RGPD2: variants seen among roughly 807,000 people sequenced by gnomAD.
RGPD2 encodes RANBP2-like and GRIP domain-containing protein 2.
In RGPD2, 2 loss-of-function variants were observed where a neutral mutation model predicts 36.0. The ratio of observed to expected loss-of-function variants is 0.06; its 90% CI spans 0.02 to 0.17. The LOEUF (loss-of-function observed/expected upper bound fraction) is 0.17, where lower values mean the gene tolerates loss of function less well. RGPD2 is among the 10% of genes least tolerant of loss of function. The pLI is 1.00. For synonymous variants in RGPD2, 19 were observed against 163.8 expected, an observed-to-expected ratio of 0.12 and a Z score of 6.75; for missense variants, 40 against 464.3, an observed-to-expected ratio of 0.09 and a Z score of 8.40.
chr2:87,988,541 A>ATATTTTTTT, the RGPD2 span, among the ~76,000 whole-genome samples: 4 of 54,138 alleles, frequency 7.4e-5, no homozygotes, highest in African/African-American at 1.8e-4. Context: ...ATATATATAT[A>ATATTTTTTT]TTTTTTTTTT....
At chr2:87,894,292 CTG>C in the RGPD2 span, among the ~76,000 whole-genome samples, 1 of 151,952 alleles carries the variant, frequency 6.6e-6, no homozygotes, top group South Asian at 2.1e-4. Flanking sequence ...ATATTTGATA[CTG>C]TGTTTAATAT....
the RGPD2 span, among the ~76,000 whole-genome samples, chr2:87,876,690 T>C: frequency 6.6e-6 from 1 of 152,274 alleles, no homozygotes; most frequent in African/African-American, 2.4e-5. Flanking sequence ...TATTTTGTTG[T>C]TTTTGGGTAG....
intron 22 of RGPD2, among the ~76,000 whole-genome samples, chr2:87,763,294 A>G (rs1327350036): frequency 6.7e-6 from 1 of 149,284 alleles, no homozygotes; most frequent in Non-Finnish European, 1.5e-5. Flanking sequence ...AGTAGCTGGG[A>G]CTACAGGCGC....
At chr2:87,880,263 T>C in the RGPD2 span, among the ~76,000 whole-genome samples, 2 of 152,230 alleles carry the variant, frequency 1.3e-5, no homozygotes, top group Non-Finnish European at 2.9e-5. Flanking sequence ...CCATGTGTAA[T>C]CTCTTCACTC....
chr2:87,878,036 G>T, the RGPD2 span, among the ~76,000 whole-genome samples: 25 of 151,594 alleles, frequency 1.6e-4, no homozygotes, highest in African/African-American at 6.1e-4. Context: ...TATCTTACTG[G>T]GGTTCTCTGC....
At chr2:87,769,366 T>C (rs569866293) in intron 22 of RGPD2, among the ~76,000 whole-genome samples, 2 of 152,210 alleles carry the variant, frequency 1.3e-5, no homozygotes, top group Admixed American at 6.5e-5. Flanking sequence ...TGTACTCACA[T>C]TGATAAGAGA....
the RGPD2 span, among the ~76,000 whole-genome samples, chr2:87,847,740 GAC>G: frequency 6.8e-6 from 1 of 147,452 alleles, no homozygotes; most frequent in African/African-American, 2.5e-5. Flanking sequence ...CTTGTGATCC[GAC>G]TGCCTCAACC....
At chr2:87,962,140 C>T in the RGPD2 span, among the ~76,000 whole-genome samples, 6 of 147,388 alleles carry the variant, frequency 4.1e-5, no homozygotes, top group African/African-American at 1.5e-4. Flanking sequence ...GATTTTCAGC[C>T]GTCTGTATTT....
the RGPD2 span, among the ~76,000 whole-genome samples, chr2:87,923,106 A>T: frequency 6.6e-6 from 1 of 151,744 alleles, no homozygotes; most frequent in Non-Finnish European, 1.5e-5. Context: ...GAATTTCAAC[A>T]CTCAGTAATT....
At chr2:87,809,854 C>T (rs1405610730) in intron 6 of RGPD2, among the ~76,000 whole-genome samples, 20 of 138,254 alleles carry the variant, frequency 1.4e-4, no homozygotes, top group Admixed American at 2.3e-4. Flanking sequence ...CCTCAGGGCC[C>T]TCCTGGGGCT....
At chr2:87,869,819 T>C in the RGPD2 span, among the ~76,000 whole-genome samples, 3 of 152,010 alleles carry the variant, frequency 2.0e-5, no homozygotes, top group Non-Finnish European at 4.4e-5. Context: ...GAAGTTAACG[T>C]AATACAGTAA....
the RGPD2 span, among the ~76,000 whole-genome samples, chr2:87,957,236 T>TGGGC: frequency 1.1e-4 from 13 of 116,306 alleles, 1 homozygote; most frequent in African/African-American, 4.3e-4. Context: ...ACAAGGTCAC[T>TGGGC]GGGGGGGGGC....
the RGPD2 span, among the ~76,000 whole-genome samples, chr2:87,964,643 T>C: frequency 2.7e-5 from 4 of 150,494 alleles, no homozygotes; most frequent in African/African-American, 9.7e-5. Flanking sequence ...GTCTCACTAA[T>C]GCAGACTTCC....
the RGPD2 span, among the ~76,000 whole-genome samples, chr2:87,989,493 T>C: frequency 3.5e-4 from 53 of 152,300 alleles, no homozygotes; most frequent in Admixed American, 7.2e-4. Context: ...TTTGTTTTCA[T>C]GAAGTTTTTA....
chr2:87,929,301 T>A, the RGPD2 span, among the ~76,000 whole-genome samples: 5 of 151,548 alleles, frequency 3.3e-5, no homozygotes, highest in Non-Finnish European at 5.9e-5. Context: ...CTTGTTTTTG[T>A]CAAGTTTGTC....
the RGPD2 span, among the ~76,000 whole-genome samples, chr2:87,939,508 T>C: frequency 6.6e-6 from 1 of 151,894 alleles, no homozygotes; most frequent in African/African-American, 2.4e-5. Context: ...CACAGAGAAG[T>C]CCTTTAGAAC....
At chr2:87,915,088 A>C in the RGPD2 span, among the ~76,000 whole-genome samples, 11 of 151,956 alleles carry the variant, frequency 7.2e-5, no homozygotes, top group South Asian at 2.3e-3. Flanking sequence ...TGGAGGTTGC[A>C]GTGAGCCAAG....
upstream of RGPD2, among the ~76,000 whole-genome samples, chr2:87,829,433 T>A (rs948643735): frequency 3.3e-4 from 49 of 150,758 alleles, no homozygotes; most frequent in Admixed American, 6.0e-4. Flanking sequence ...AAAGACAATG[T>A]AAACAAGTTG....
the RGPD2 span, among the ~76,000 whole-genome samples, chr2:87,929,481 GTGTGTA>G: frequency 7.3e-6 from 1 of 136,730 alleles, no homozygotes. Context: ...TTTTTTGTGT[GTGTGTA>G]TGTGTGTGTG....
Sources: allele counts gnomAD v4.1 joint callset (sites outside exome capture counted in the v4.1 genomes callset), GRCh38; gene constraint gnomAD v4.1.1; transcripts MANE v1.5; gene names NCBI Gene and HGNC (gene_info 2026-07-23, HGNC 2026-07-21).